The following BCL2L14 variants were observed in gnomAD, a reference collection of about 807,000 sequenced individuals.
BCL2L14 encodes the protein BCL2 like 14.
A neutral mutation model predicts 35.3 loss-of-function variants in BCL2L14; 27 were observed. That is an observed-to-expected ratio of 0.76 (90% CI 0.56 to 1.05). BCL2L14 has a LOEUF of 1.05. Ranked by LOEUF, BCL2L14 falls within the 50% of genes least tolerant of loss-of-function variation. The pLI is 0.00. For synonymous variants in BCL2L14, 139 were observed against 145.9 expected (o/e 0.95, Z 0.34); for missense variants, 377 against 382.6 (o/e 0.99, Z 0.12).
At chr12:12,061,463 T>C (rs991356729) in intron 2 of BCL2L14, among the ~76,000 whole-genome samples, 1 of 151,506 alleles carries the variant, frequency 6.6e-6, no homozygotes, top group African/African-American at 2.4e-5. Flanking sequence ...TAAACTCTCC[T>C]TACAATTCCC....
intron 2 of BCL2L14, among the ~76,000 whole-genome samples, chr12:12,060,490 C>A (rs1393878855): frequency 9.3e-6 from 1 of 106,978 alleles, no homozygotes; most frequent in Non-Finnish European, 2.0e-5. Flanking sequence ...TCAAACCCCA[C>A]AACAGGATTT....
chr12:12,079,225 C>A, intron 1 of BCL2L14, 74 bp from the exon 2 acceptor site: 3 of 1,273,856 alleles, frequency 2.4e-6, no homozygotes, highest in Non-Finnish European at 3.3e-6. Flanking sequence ...TGAGTTTTCA[C>A]CCCTGTCTCT....
chr12:12,058,776 C>G (rs2430597), intron 2 of BCL2L14, among the ~76,000 whole-genome samples: 1 of 151,952 alleles, frequency 6.6e-6, no homozygotes, highest in South Asian at 2.1e-4. Context: ...CACACCGACG[C>G]GCATGAAATT....
At chr12:12,088,655 T>C (rs1949100184) in intron 3 of BCL2L14, among the ~76,000 whole-genome samples, 1 of 152,220 alleles carries the variant, frequency 6.6e-6, no homozygotes, top group Non-Finnish European at 1.5e-5. Flanking sequence ...TTCCTTACCC[T>C]CACTATCTGC....
At chr12:12,060,007 C>T (rs1426245213) in intron 2 of BCL2L14, among the ~76,000 whole-genome samples, 1 of 151,966 alleles carries the variant, frequency 6.6e-6, no homozygotes, top group Non-Finnish European at 1.5e-5. Flanking sequence ...CCACCTGTCC[C>T]CTCAGTCCCA....
chr12:12,057,495 C>T (rs11054646), intron 2 of BCL2L14, among the ~76,000 whole-genome samples: 68,071 of 151,960 alleles, frequency 0.45, 16,452 homozygotes, highest in East Asian at 0.75. Flanking sequence ...CGGTGGCTCA[C>T]GCCTGTAATC....
At chr12:12,094,481 G>T (rs748017556) in intron 4 of BCL2L14, 183 bp from the exon 5 acceptor site, 1 of 1,555,006 alleles carries the variant, frequency 6.4e-7, no homozygotes, top group South Asian at 1.1e-5. Flanking sequence ...TGAATTCACC[G>T]AGCAGTACAT....
intron 3 of BCL2L14, among the ~76,000 whole-genome samples, chr12:12,089,454 G>A (rs550820232): frequency 4.0e-4 from 60 of 151,714 alleles, no homozygotes; most frequent in African/African-American, 1.3e-3. Context: ...CCAGCACTTC[G>A]AGAGGCCGAG....
intron 4 of BCL2L14, 21 bp from the exon 5 acceptor site, chr12:12,094,643 T>A (rs1949270648): frequency 6.2e-7 from 1 of 1,614,126 alleles, no homozygotes; most frequent in African/African-American, 1.3e-5. Context: ...CTGTACTGAG[T>A]GCTTATTCTT....
At chr12:12,056,914 A>G (rs2136709302) in intron 2 of BCL2L14, among the ~76,000 whole-genome samples, 1 of 152,350 alleles carries the variant, frequency 6.6e-6, no homozygotes, top group African/African-American at 2.4e-5. Context: ...TAAGCATGCA[A>G]TCAAAGAGAC....
At chr12:12,071,653 C>A (rs1174941869) in intron 1 of BCL2L14, 1 of 152,142 alleles carries the variant, frequency 6.6e-6, no homozygotes, top group East Asian at 1.9e-4. Flanking sequence ...GTCTAAGGCA[C>A]AGGTAAATGG....
chr12:12,056,376 C>G (rs1286753715), intron 2 of BCL2L14, among the ~76,000 whole-genome samples: 1 of 152,234 alleles, frequency 6.6e-6, no homozygotes, highest in Non-Finnish European at 1.5e-5. Flanking sequence ...ATCAAGTATC[C>G]TTTTTGCTTC....
chr12:12,090,044 C>T (rs1176037649), intron 3 of BCL2L14, among the ~76,000 whole-genome samples: 2 of 152,152 alleles, frequency 1.3e-5, no homozygotes. Context: ...GAAATATAAT[C>T]AAATATGAGA....
chr12:12,080,013 G>A (rs1007104988), intron 2 of BCL2L14, among the ~76,000 whole-genome samples: 6 of 152,126 alleles, frequency 3.9e-5, no homozygotes, highest in East Asian at 1.9e-4. Context: ...GACCATCCTG[G>A]CTAACACGGT....
chr12:12,054,577 G>A (rs1948403755), intron 2 of BCL2L14: 1 of 151,480 alleles, frequency 6.6e-6, no homozygotes, highest in Non-Finnish European at 1.5e-5. Flanking sequence ...TCTGACTCCA[G>A]GGCCTGAACT....
chr12:12,064,415 C>G (rs1948570292), intron 2 of BCL2L14, among the ~76,000 whole-genome samples: 1 of 97,366 alleles, frequency 1.0e-5, no homozygotes, highest in African/African-American at 3.7e-5. Context: ...AAGGTGTGAG[C>G]TACCATATCC....
chr12:12,062,835 C>T (rs1450446455), intron 2 of BCL2L14, among the ~76,000 whole-genome samples: 2 of 152,152 alleles, frequency 1.3e-5, no homozygotes, highest in African/African-American at 4.8e-5. Context: ...TTTTCAGGCT[C>T]TTAGTATTCA....
chr12:12,053,948 A>C (rs1181747242), intron 2 of BCL2L14, among the ~76,000 whole-genome samples: 1 of 152,166 alleles, frequency 6.6e-6, no homozygotes, highest in Non-Finnish European at 1.5e-5. Context: ...TCTAGGTTTT[A>C]GCTTATAGTT....
intron 1 of BCL2L14, among the ~76,000 whole-genome samples, chr12:12,075,100 A>G (rs61923195): frequency 3.3e-5 from 5 of 151,768 alleles, no homozygotes; most frequent in Non-Finnish European, 5.9e-5. Flanking sequence ...TTTTTTTTTA[A>G]TATGTTTCTT....
Sources: gnomAD v4.1 joint callset for allele counts (sites outside exome capture counted in the v4.1 genomes callset) on GRCh38, gnomAD v4.1.1 for gene constraint, MANE v1.5 for transcripts, NCBI Gene and HGNC (gene_info 2026-07-23, HGNC 2026-07-21) for gene names.